CLIP1: variants seen among roughly 807,000 people sequenced by gnomAD.
CLIP1 encodes the protein CAP-Gly domain containing linker protein 1.
A neutral mutation model predicts 161.6 loss-of-function variants in CLIP1; 66 were observed. That is an observed-to-expected ratio of 0.41 (90% CI 0.33 to 0.50). The LOEUF (loss-of-function observed/expected upper bound fraction) is 0.50. Among genes scored for constraint, CLIP1 ranks in the 20% least tolerant of loss-of-function variants. CLIP1 has a pLI of 0.27. For missense variants in CLIP1, 1,376 were observed against 1,702.0 expected, an observed-to-expected ratio of 0.81 and a Z score of 3.37; for synonymous variants, 598 against 626.2, an observed-to-expected ratio of 0.96 and a Z score of 0.67.
chr12:122,292,715 T>A (rs1170446035), intron 20 of CLIP1, among the ~76,000 whole-genome samples: 1 of 152,066 alleles, frequency 6.6e-6, no homozygotes, highest in Non-Finnish European at 1.5e-5. Flanking sequence ...TAAGAAAGTA[T>A]AAAGATGGCC....
rs1181500969 is a variant in CLIP1, at chr12:122,334,720, T to C, written c.2569-15A>G. On this transcript the variant is annotated splice_polypyrimidine_tract_variant and intron_variant, in intron 12 of 25. Transcript: ENST00000620786. ...AACTTTTCTTTCTAAAGAAAAAGAA[T>C]GAGAGATTCTGAACAGAAAGATTTC... The C allele has an allele frequency of 2.0e-6, 3 of 1,492,506 alleles. No homozygotes were observed. The highest frequency in any genetic ancestry group is 4.7e-5 in the East Asian group (2 of 42,840). The allele number at this position is 1,492,506 out of a possible 1,614,324, so 92.5% of individuals were successfully genotyped here.
chr12:122,275,417 C>A (rs1441613916), intron 24 of CLIP1: 1 of 151,912 alleles, frequency 6.6e-6, no homozygotes, highest in Admixed American at 6.6e-5. Context: ...TCAAGACCAA[C>A]CTGGCCAACA....
chr12:122,333,883 G>T (rs1464547849), intron 14 of CLIP1, 144 bp downstream of exon 14: 3 of 588,262 alleles, frequency 5.1e-6, no homozygotes, highest in Admixed American at 3.0e-5. Flanking sequence ...TCTCAAACAA[G>T]TATTTCATCA....
At chr12:122,349,204 CAGT>C (rs1322873200) in intron 9 of CLIP1, among the ~76,000 whole-genome samples, 6 of 152,154 alleles carry the variant, frequency 3.9e-5, no homozygotes, top group Admixed American at 3.9e-4. Flanking sequence ...TCCAAAACTA[CAGT>C]AGTAGGAAAA....
chr12:122,390,589 G>T (rs547697696), intron 1 of CLIP1, among the ~76,000 whole-genome samples: 253 of 151,876 alleles, frequency 1.7e-3, no homozygotes, highest in African/African-American at 5.1e-3. Context: ...TGGGATTACA[G>T]GTGTGAGCCA....
At chr12:122,395,335 T>C (rs912998289) in intron 1 of CLIP1, 1 of 152,208 alleles carries the variant, frequency 6.6e-6, no homozygotes, top group Non-Finnish European at 1.5e-5. Context: ...TCTTTACTTT[T>C]TATCTATAAG....
chr12:122,355,385 G>GCATC lies in CLIP1; in HGVS notation c.1006-74_1006-73insGATG. The GCATC allele has an allele frequency of 2.2e-6, 3 of 1,366,936 alleles. No homozygotes were observed. The highest frequency in any genetic ancestry group is 3.1e-6 in the Non-Finnish European group (3 of 973,486). The allele number at this position is 1,366,936 out of a possible 1,614,324, so 84.7% of individuals were successfully genotyped here. On this transcript the variant is annotated intron_variant, in intron 5 of 25. Transcript: ENST00000620786. The surrounding 1 kb of genome is among the most constrained non-coding windows in gnomAD (Gnocchi z 4.1). ...AGCGAGGGAGGCGCGATGCATGCAT[G>GCATC]GCGGGCATCTGCTCGGCAAAGCAAG... is the stretch of plus-strand genomic sequence containing the variant.
intron 21 of CLIP1, chr12:122,280,663 G>C (rs1244546587): frequency 6.6e-6 from 1 of 152,158 alleles, no homozygotes; most frequent in East Asian, 1.9e-4. Flanking sequence ...TCTGGGGGAA[G>C]GTCTGTGAGA....
chr12:122,394,084 C>T (rs1346417836), intron 1 of CLIP1, among the ~76,000 whole-genome samples: 1 of 151,960 alleles, frequency 6.6e-6, no homozygotes, highest in African/African-American at 2.4e-5. Context: ...TTTATGGGTG[C>T]AAAGCAATAA....
chr12:122,335,359 G>T (rs919846959), intron 12 of CLIP1, among the ~76,000 whole-genome samples: 1 of 151,892 alleles, frequency 6.6e-6, no homozygotes, highest in East Asian at 1.9e-4. Flanking sequence ...CCCACAGGCT[G>T]CCCCCTGTGC....
chr12:122,326,151 G>A (rs994725185), intron 17 of CLIP1, among the ~76,000 whole-genome samples: 16 of 152,314 alleles, frequency 1.1e-4, no homozygotes, highest in African/African-American at 3.6e-4. Flanking sequence ...GACTGATTAC[G>A]ATCCACTGAA....
intron 21 of CLIP1, among the ~76,000 whole-genome samples, chr12:122,284,424 C>T (rs532823567): frequency 3.3e-5 from 5 of 151,678 alleles, no homozygotes; most frequent in African/African-American, 9.7e-5. Flanking sequence ...GCGATCTCGG[C>T]GCACTGCAAC....
intron 21 of CLIP1, among the ~76,000 whole-genome samples, chr12:122,285,047 C>T (rs1955793333): frequency 6.6e-6 from 1 of 152,024 alleles, no homozygotes; most frequent in Non-Finnish European, 1.5e-5. Flanking sequence ...AATACCTGGG[C>T]TCAAGTGATC....
rs575785643 is a variant in CLIP1 at position 122,329,155 on chromosome 12, C to T, written c.2868-729G>A. The stretch of plus-strand genomic sequence containing the variant: ...CAGCCTGGTCAACATGGCGAAACCC[C>T]GTCTCTACTAAAAATACAAAAATTA... On this transcript the variant is annotated intron_variant, in intron 15 of 25. Transcript: ENST00000620786. Among the ~76,000 whole-genome samples the T allele has an allele frequency of 8.9e-4, 135 of 152,086 alleles. 5 individuals are homozygous for T. In the South Asian group the frequency reaches 0.024, roughly 26 times the overall value.
At chr12:122,329,197 C>T (rs1951830579) in intron 15 of CLIP1, among the ~76,000 whole-genome samples, 1 of 152,054 alleles carries the variant, frequency 6.6e-6, no homozygotes, top group South Asian at 2.1e-4. Flanking sequence ...TGTGGTGGCG[C>T]ATGCCTACAA....
At chr12:122,339,494 C>T (rs1952393640) in intron 11 of CLIP1, among the ~76,000 whole-genome samples, 1 of 152,040 alleles carries the variant, frequency 6.6e-6, no homozygotes, top group East Asian at 1.9e-4. Flanking sequence ...CACACCACCA[C>T]ACCTGGCTAA....
chr12:122,282,170 A>G (rs991817784), intron 21 of CLIP1, among the ~76,000 whole-genome samples: 1 of 152,232 alleles, frequency 6.6e-6, no homozygotes, highest in African/African-American at 2.4e-5. Flanking sequence ...AAATGACAGG[A>G]TAAGTAGACT....
Position 122,323,815 on chromosome 12 carries a change from T to C in CLIP1, c.3249+4132A>G, listed in dbSNP as rs1169152109. The C allele has an allele frequency of 6.6e-6, 1 of 152,650 alleles. No homozygotes were observed. Among genetic ancestry groups the C allele is most frequent in the Non-Finnish European group, 1.5e-5 (1 of 68,040 alleles). 9.5% of individuals were successfully genotyped at this position (152,650 alleles called of 1,614,324 possible). On this transcript the variant is annotated intron_variant, in intron 17 of 25. Transcript: ENST00000620786. This position sits in a 1 kb window ranked among gnomAD's most constrained non-coding sequence, Gnocchi z 4.1. ...CTTTGACTAGCTCCTCATAAGACCTTTGAAGCTTCTGAATGATGTCATCCT... is the reference window on the plus strand; with the variant it reads ...CTTTGACTAGCTCCTCATAAGACCTCTGAAGCTTCTGAATGATGTCATCCT...
intron 2 of CLIP1, 72 bp from the exon 3 acceptor site, chr12:122,378,032 G>C (rs1231287026): frequency 3.7e-6 from 5 of 1,365,530 alleles, no homozygotes; most frequent in Admixed American, 2.2e-5. Context: ...AGAAAAACTA[G>C]AGAAAGCCAA....
Sources: gnomAD v4.1 joint callset for allele counts (sites outside exome capture counted in the v4.1 genomes callset) on GRCh38, gnomAD v4.1.1 for gene constraint, Gnocchi (gnomAD v3.1) non-coding constraint, MANE v1.5 for transcripts, NCBI Gene and HGNC (gene_info 2026-07-23, HGNC 2026-07-21) for gene names.